RABEP1: variants seen among roughly 807,000 people sequenced by gnomAD.
The protein encoded by RABEP1 is rabaptin, RAB GTPase binding effector protein 1.
RABEP1 carries 51 observed loss-of-function variants against 123.4 expected under a neutral mutation model. The ratio of observed to expected loss-of-function variants is 0.41; its 90% CI spans 0.33 to 0.52. The LOEUF is 0.52. RABEP1 is among the 20% of genes least tolerant of loss of function. RABEP1 has a pLI of 0.16. For synonymous variants in RABEP1, 347 were observed against 355.2 expected (o/e 0.98, Z 0.26); for missense variants, 888 against 996.3 (o/e 0.89, Z 1.46).
chr17:5,361,694 G>A lies in RABEP1; in HGVS notation c.1563+19G>A, dbSNP rs771423827. Reference sequence around the variant, plus strand: ...GAAAGAGGTGAGTTACCTTTCTCACGTTTTTCCTCTTGCTCACGCTGAGGC... The same window carrying A: ...GAAAGAGGTGAGTTACCTTTCTCACATTTTTCCTCTTGCTCACGCTGAGGC... On this transcript the variant is annotated intron_variant, in intron 9 of 17. Coordinates refer to ENST00000537505, the MANE Select transcript of RABEP1 (RefSeq NM_004703.6). 2 of 1,572,066 alleles carry A rather than the reference G, an allele frequency of 1.3e-6. No homozygotes were observed. Among genetic ancestry groups the A allele is most frequent in the South Asian group, 1.2e-5 (1 of 84,390 alleles).
intron 1 of RABEP1, among the ~76,000 whole-genome samples, chr17:5,288,848 C>T (rs180964173): frequency 2.6e-5 from 4 of 151,778 alleles, no homozygotes; most frequent in East Asian, 2.0e-4. Context: ...GGATTACAGG[C>T]GTGCACCACT....
intron 8 of RABEP1, chr17:5,360,979 G>A (rs1284531921): frequency 1.4e-5 from 7 of 503,362 alleles, no homozygotes; most frequent in East Asian, 3.4e-5. Flanking sequence ...TTTTGAAGCC[G>A]TATGTATCTC....
In RABEP1 at chr17:5,347,516, C is replaced by G. The variant is rs559399754; in HGVS notation, c.784+591C>G. Among the ~76,000 whole-genome samples, 4 of 152,336 alleles carry G rather than the reference C, an allele frequency of 2.6e-5. No homozygotes were observed. In the East Asian group the frequency reaches 5.8e-4, roughly 22 times the overall value. On this transcript the variant is annotated intron_variant, in intron 6 of 17. Transcript: ENST00000537505. The stretch of plus-strand genomic sequence containing the variant: ...AAGCTGGGAATTTCTGCTTCAACTA[C>G]TTTTCCCCCCACACTCATTTTGATG...
rs765643921 is a variant in RABEP1 at position 5,361,446 on chromosome 17, C to T, written c.1334C>T (p.Ala445Val). ...TCAGATTTTGGACCACTGGTAGGAG[C>T]AGATTCAGTGTCTGAGAACTTTGAT... ...DESDFGPLVG[A>V]DSVSENFDTA... The change falls in exon 9 of 18, where the codon GCA (alanine) becomes GTA (valine). Residue 445 changes from alanine (A) to valine (V), a missense_variant. Transcript: ENST00000537505. 2.5e-6 allele frequency: 4 copies of T among 1,614,180 alleles called. No individual in the cohort carries two copies. In the Admixed American group the frequency reaches 6.7e-5, roughly 27 times the overall value.
chr17:5,348,624 G>A (rs940041808), intron 6 of RABEP1, among the ~76,000 whole-genome samples: 7 of 151,932 alleles, frequency 4.6e-5, no homozygotes, highest in South Asian at 2.1e-4. Flanking sequence ...GCAGTGGCGC[G>A]ATCTCGGCTC....
chr17:5,382,000 G>C (rs781070729), intron 17 of RABEP1, among the ~76,000 whole-genome samples: 1 of 151,976 alleles, frequency 6.6e-6, no homozygotes. Flanking sequence ...TGCTCCCTCG[G>C]GCACTCTATG....
intron 5 of RABEP1, among the ~76,000 whole-genome samples, chr17:5,344,974 T>A (rs1252414259): frequency 1.0e-4 from 15 of 148,120 alleles, no homozygotes; most frequent in African/African-American, 5.0e-5. Context: ...GAAAAAAAAA[T>A]AAAAAAAAAT....
intron 1 of RABEP1, among the ~76,000 whole-genome samples, chr17:5,287,850 T>C (rs1567861733): frequency 1.3e-5 from 2 of 151,942 alleles, no homozygotes; most frequent in Non-Finnish European, 2.9e-5. Flanking sequence ...AGGTCGAGGC[T>C]GCAGTGAGCT....
Position 5,282,309 on chromosome 17 carries a change from C to T in RABEP1, c.-178C>T, listed in dbSNP as rs1378536826. ...GTCAGGATGAGGAGGCGGAGGTCGG[C>T]GGTCGGGTCCGTCTCTGCCCGCGGC... On this transcript the variant is annotated 5_prime_UTR_variant, in exon 1 of 18. Transcript: ENST00000537505. 2.1e-5 allele frequency: 9 copies of T among 422,804 alleles called. No homozygotes were observed. In the South Asian group the frequency reaches 4.7e-4, roughly 22 times the overall value. The allele number at this position is 422,804 out of a possible 1,614,324, so 26.2% of individuals were successfully genotyped here.
intron 5 of RABEP1, 123 bp downstream of exon 5, chr17:5,338,261 T>C: frequency 2.3e-6 from 3 of 1,279,192 alleles, no homozygotes; most frequent in African/African-American, 1.5e-5. Context: ...TAAGAATCTT[T>C]CTTTAAAATG....
chr17:5,292,276 G>T (rs996625814), intron 1 of RABEP1, among the ~76,000 whole-genome samples: 1 of 151,882 alleles, frequency 6.6e-6, no homozygotes, highest in Non-Finnish European at 1.5e-5. Context: ...ATTGGCTTTT[G>T]TTCATTTTTT....
chr17:5,382,551 C>A (rs1911565382), intron 17 of RABEP1, among the ~76,000 whole-genome samples: 1 of 151,204 alleles, frequency 6.6e-6, no homozygotes, highest in Non-Finnish European at 1.5e-5. Context: ...GAGTTTGAGA[C>A]CAGATTGACC....
chr17:5,373,200 C>A, intron 12 of RABEP1, 114 bp from the exon 13 acceptor site: 2 of 928,842 alleles, frequency 2.2e-6, no homozygotes, highest in Non-Finnish European at 3.1e-6. Flanking sequence ...AGAACTTCAC[C>A]ATACCCCGTC....
chr17:5,381,530 C>G, intron 17 of RABEP1, 25 bp downstream of exon 17: 1 of 1,606,444 alleles, frequency 6.2e-7, no homozygotes. Flanking sequence ...GAACCACATA[C>G]AGAGCACGAA....
intron 5 of RABEP1, among the ~76,000 whole-genome samples, chr17:5,344,771 C>CAAAA (rs1177790100): frequency 1.6e-3 from 74 of 46,854 alleles, no homozygotes; most frequent in African/African-American, 4.6e-3. Flanking sequence ...GACACTGTCT[C>CAAAA]AAAAAAAAAA....
intron 4 of RABEP1, among the ~76,000 whole-genome samples, chr17:5,337,237 G>C (rs1211117741): frequency 6.6e-6 from 1 of 151,930 alleles, no homozygotes; most frequent in Non-Finnish European, 1.5e-5. Context: ...AAAGTACTCT[G>C]TTTAATTGGA....
rs191220495 is a variant in RABEP1, at chr17:5,366,091, T to G, written c.1785+853T>G. 9.2e-5 allele frequency among the ~76,000 whole-genome samples: 14 copies of G among 152,336 alleles called. No homozygotes were observed. The East Asian group carries it at 2.5e-3, about 27-fold the overall frequency. On this transcript the variant is annotated intron_variant, in intron 11 of 17. Coordinates refer to ENST00000537505, the MANE Select transcript of RABEP1 (RefSeq NM_004703.6). ...AATTTTCCAGAGTGGTTATACCAGT[T>G]TATACCTCCACCAGCAATGTATGAG... is the stretch of plus-strand genomic sequence containing the variant.
intron 2 of RABEP1, among the ~76,000 whole-genome samples, chr17:5,322,275 T>C (rs573274181): frequency 4.6e-5 from 7 of 152,302 alleles, no homozygotes; most frequent in African/African-American, 1.7e-4. Flanking sequence ...GGAGAATTCC[T>C]TGAGCCCAGG....
intron 6 of RABEP1, among the ~76,000 whole-genome samples, chr17:5,348,168 G>A (rs1908230523): frequency 6.6e-6 from 1 of 152,034 alleles, no homozygotes; most frequent in Non-Finnish European, 1.5e-5. Context: ...GTAGAGATGG[G>A]GTGTTTCTCC....
Sources: gnomAD v4.1 joint callset for allele counts (sites outside exome capture counted in the v4.1 genomes callset) on GRCh38, gnomAD v4.1.1 for gene constraint, MANE v1.5 for transcripts, NCBI Gene and HGNC (gene_info 2026-07-23, HGNC 2026-07-21) for gene names.